The following WDFY2 variants were observed in gnomAD, a reference collection of about 807,000 sequenced individuals.
The protein encoded by WDFY2 is WD repeat and FYVE domain containing 2, also known as WD repeat and FYVE domain-containing protein 2.
A neutral mutation model predicts 56.4 loss-of-function variants in WDFY2; 36 were observed. The observed-to-expected ratio is 0.64, with a 90% CI of 0.49 to 0.84. The LOEUF is 0.84. WDFY2 is among the 40% of genes least tolerant of loss of function. The pLI is 0.00. For synonymous variants in WDFY2, 176 were observed against 183.7 expected (o/e 0.96, Z 0.34); for missense variants, 444 against 512.2 (o/e 0.87, Z 1.29).
chr13:51,688,690 G>C (rs1956101264), intron 3 of WDFY2, among the ~76,000 whole-genome samples: 1 of 152,150 alleles, frequency 6.6e-6, no homozygotes, highest in African/African-American at 2.4e-5. Context: ...GCTTTCCTGA[G>C]TAGAGAAACA....
intron 1 of WDFY2, among the ~76,000 whole-genome samples, chr13:51,650,399 C>G (rs1436946974): frequency 1.3e-5 from 2 of 152,054 alleles, no homozygotes; most frequent in Non-Finnish European, 2.9e-5. Context: ...AATTGAATAC[C>G]CTTTATTTCC....
chr13:51,703,760 A>G, intron 4 of WDFY2, 110 bp downstream of exon 4: 1 of 922,058 alleles, frequency 1.1e-6, no homozygotes, highest in Non-Finnish European at 1.6e-6. Context: ...AACAAAACAG[A>G]GCAACCTTTT....
At position 51,636,532 on chromosome 13, in the gene WDFY2, G is replaced by A. The variant is rs914913120; in HGVS notation, c.138-24064G>A. 5.9e-5 allele frequency among the ~76,000 whole-genome samples: 9 copies of A among 152,236 alleles called. No homozygotes were observed. The South Asian group carries it at 1.5e-3, about 25-fold the overall frequency. On this transcript the variant is annotated intron_variant, in intron 1 of 11. Transcript: ENST00000298125. ...AAGCAAAATACCACAGCAATTACCC[G>A]GGGTCAGGTATGGAAAGTACTCATG...
At chr13:51,744,607 G>A (rs546370713) in intron 7 of WDFY2, among the ~76,000 whole-genome samples, 2 of 152,290 alleles carry the variant, frequency 1.3e-5, no homozygotes, top group South Asian at 4.1e-4. Context: ...GTTGCTGCTA[G>A]GACTGGTGAG....
intron 3 of WDFY2, among the ~76,000 whole-genome samples, chr13:51,692,189 T>C (rs1956174694): frequency 6.6e-6 from 1 of 152,232 alleles, no homozygotes; most frequent in Admixed American, 6.5e-5. Flanking sequence ...CTTTATTTCC[T>C]TCTCTTGCCT....
intron 1 of WDFY2, among the ~76,000 whole-genome samples, chr13:51,602,398 A>G (rs1262513008): frequency 6.6e-6 from 1 of 152,172 alleles, no homozygotes; most frequent in Non-Finnish European, 1.5e-5. Context: ...AATAGGCCAT[A>G]CTCTATAGCC....
chr13:51,614,902 G>A (rs1593880803), intron 1 of WDFY2, among the ~76,000 whole-genome samples: 1 of 152,192 alleles, frequency 6.6e-6, no homozygotes, highest in Non-Finnish European at 1.5e-5. Flanking sequence ...TCTACACTGG[G>A]TGTTTTGCTG....
intron 7 of WDFY2, among the ~76,000 whole-genome samples, chr13:51,739,751 C>T (rs1194619703): frequency 3.3e-5 from 5 of 152,172 alleles, no homozygotes; most frequent in Non-Finnish European, 5.9e-5. Context: ...TTGCTGGGTA[C>T]AGAGAATCTC....
intron 3 of WDFY2, among the ~76,000 whole-genome samples, chr13:51,696,146 C>T (rs952142209): frequency 9.2e-5 from 14 of 152,202 alleles, no homozygotes; most frequent in African/African-American, 3.4e-4. Context: ...GGCAATGCCT[C>T]GCCCTGCTTT....
chr13:51,619,688 A>G (rs1239253126), intron 1 of WDFY2, among the ~76,000 whole-genome samples: 1 of 152,242 alleles, frequency 6.6e-6, no homozygotes, highest in African/African-American at 2.4e-5. Flanking sequence ...TAGATGAGCA[A>G]GGAATGATTC....
chr13:51,664,499 A>G (rs540917169), intron 2 of WDFY2, among the ~76,000 whole-genome samples: 1 of 152,222 alleles, frequency 6.6e-6, no homozygotes, highest in Non-Finnish European at 1.5e-5. Context: ...GGGAAGGAAG[A>G]ACATCTGGCT....
chr13:51,658,792 T>C (rs1174980948), intron 1 of WDFY2, among the ~76,000 whole-genome samples: 1 of 152,226 alleles, frequency 6.6e-6, no homozygotes, highest in Admixed American at 6.5e-5. Context: ...ACCTCACAAA[T>C]TAATATAATT....
chr13:51,640,498 A>G (rs994900358), intron 1 of WDFY2, among the ~76,000 whole-genome samples: 2 of 152,224 alleles, frequency 1.3e-5, no homozygotes, highest in Admixed American at 1.3e-4. Context: ...ATGCTACAGT[A>G]CATATCTATA....
chr13:51,627,761 C>T (rs926726969), intron 1 of WDFY2, among the ~76,000 whole-genome samples: 8 of 152,118 alleles, frequency 5.3e-5, no homozygotes, highest in Non-Finnish European at 1.0e-4. Context: ...CAAAGAGGTG[C>T]TTTATGCAAC....
intron 3 of WDFY2, among the ~76,000 whole-genome samples, chr13:51,698,435 A>C (rs1173579053): frequency 6.6e-6 from 1 of 152,230 alleles, no homozygotes; most frequent in Non-Finnish European, 1.5e-5. Flanking sequence ...AATAGATATC[A>C]AAAGCAAATT....
chr13:51,716,301 AT>A (rs1419415031), intron 4 of WDFY2, among the ~76,000 whole-genome samples: 1 of 152,240 alleles, frequency 6.6e-6, no homozygotes, highest in Non-Finnish European at 1.5e-5. Flanking sequence ...GATGCACAAC[AT>A]TGTGAGTAAC....
At chr13:51,664,708 C>T (rs1955670791) in intron 2 of WDFY2, among the ~76,000 whole-genome samples, 1 of 152,180 alleles carries the variant, frequency 6.6e-6, no homozygotes, top group African/African-American at 2.4e-5. Context: ...GCCCAGGCCT[C>T]ATTGTACACC....
intron 2 of WDFY2, among the ~76,000 whole-genome samples, chr13:51,669,566 A>G (rs1955772098): frequency 6.6e-6 from 1 of 152,198 alleles, no homozygotes; most frequent in African/African-American, 2.4e-5. Context: ...TCCGAGACAG[A>G]AAAGGTAGAT....
chr13:51,664,157 C>G (rs1333675720), intron 2 of WDFY2, among the ~76,000 whole-genome samples: 1 of 152,118 alleles, frequency 6.6e-6, no homozygotes, highest in Non-Finnish European at 1.5e-5. Context: ...GTTGAGTGAT[C>G]TTGGGGGAGT....
Sources: allele counts gnomAD v4.1 joint callset (sites outside exome capture counted in the v4.1 genomes callset), GRCh38; gene constraint gnomAD v4.1.1; transcripts MANE v1.5; gene names NCBI Gene and HGNC (gene_info 2026-07-23, HGNC 2026-07-21).